Variants in ATG7 observed in about 807,000 individuals in gnomAD.
The protein encoded by ATG7 is ubiquitin-like modifier-activating enzyme ATG7.
ATG7 carries 70 observed loss-of-function variants against 82.4 expected under a neutral mutation model. The ratio of observed to expected loss-of-function variants is 0.85; its 90% confidence interval spans 0.70 to 1.04. The LOEUF (loss-of-function observed/expected upper bound fraction) is 1.04. Ranked by LOEUF, ATG7 falls within the 50% of genes least tolerant of loss-of-function variation. The pLI, the probability that ATG7 is intolerant of heterozygous loss-of-function variation, is 0.00. For missense variants in ATG7, 792 were observed against 864.3 expected, an observed-to-expected ratio of 0.92 and a Z score of 1.05; for synonymous variants, 287 against 313.0, an observed-to-expected ratio of 0.92 and a Z score of 0.88.
At chr3:11,309,651 A>G (rs906831272) in intron 7 of ATG7, among the ~76,000 whole-genome samples, 1 of 152,114 alleles carries the variant, frequency 6.6e-6, no homozygotes, top group Non-Finnish European at 1.5e-5. Context: ...TCGATTATAG[A>G]GATACCAGCT....
intron 9 of ATG7, among the ~76,000 whole-genome samples, chr3:11,319,836 C>G (rs1425371472): frequency 6.6e-6 from 1 of 152,200 alleles, no homozygotes; most frequent in Non-Finnish European, 1.5e-5. Flanking sequence ...TCTTCTGCCA[C>G]CACCTCAATC....
At chr3:11,575,066 C>T in the ATG7 span, among the ~76,000 whole-genome samples, 6 of 152,146 alleles carry the variant, frequency 3.9e-5, no homozygotes, top group African/African-American at 9.7e-5. Flanking sequence ...CGTGCCAACC[C>T]CCCATTCCCA....
intron 20 of ATG7, among the ~76,000 whole-genome samples, chr3:11,501,964 C>T (rs1315221328): frequency 2.6e-5 from 4 of 152,194 alleles, no homozygotes; most frequent in Non-Finnish European, 4.4e-5. Context: ...GCTGGGATTA[C>T]AGGCGTGATC....
At chr3:11,524,356 A>G (rs187556345) in intron 20 of ATG7, among the ~76,000 whole-genome samples, 4 of 152,372 alleles carry the variant, frequency 2.6e-5, no homozygotes, top group Non-Finnish European at 5.9e-5. Context: ...GTTTCCCTTC[A>G]ACTGTGAAAT....
intron 18 of ATG7, among the ~76,000 whole-genome samples, chr3:11,374,065 C>T (rs2077216569): frequency 6.6e-6 from 1 of 152,114 alleles, no homozygotes; most frequent in African/African-American, 2.4e-5. Flanking sequence ...CCTCTAAAAG[C>T]AAGAAAGATA....
the ATG7 span, among the ~76,000 whole-genome samples, chr3:11,573,316 GAAGAAAGAAAGAAAGA>G: frequency 0.098 from 2,002 of 20,528 alleles, 77 homozygotes; most frequent in Middle Eastern, 0.25. Context: ...AGGAAGGAAG[GAAGAAAGAAAGAAAGA>G]AAGAAAGAAA....
chr3:11,275,226 C>A (rs1575082489), intron 1 of ATG7, among the ~76,000 whole-genome samples: 1 of 152,054 alleles, frequency 6.6e-6, no homozygotes, highest in Non-Finnish European at 1.5e-5. Flanking sequence ...TAACAAAATT[C>A]TTTGACTAGT....
At chr3:11,425,065 T>C (rs146674311) in intron 19 of ATG7, among the ~76,000 whole-genome samples, 1 of 152,232 alleles carries the variant, frequency 6.6e-6, no homozygotes, top group East Asian at 1.9e-4. Flanking sequence ...TGAGTTCAGG[T>C]GATCCTCCCA....
At chr3:11,553,318 AAG>A (rs1302715966) in intron 20 of ATG7, among the ~76,000 whole-genome samples, 7 of 150,698 alleles carry the variant, frequency 4.6e-5, no homozygotes, top group South Asian at 2.1e-4. Context: ...TGAGGAGTGA[AAG>A]AGGGAGTATT....
At chr3:11,542,747 C>T (rs1423109744) in intron 20 of ATG7, among the ~76,000 whole-genome samples, 3 of 152,132 alleles carry the variant, frequency 2.0e-5, no homozygotes, top group Non-Finnish European at 1.5e-5. Context: ...CCCTCCCGGG[C>T]GTCAGGTCTC....
chr3:11,276,353 A>G (rs12638742), intron 1 of ATG7, among the ~76,000 whole-genome samples: 7,604 of 152,242 alleles, frequency 0.05, 604 homozygotes, highest in African/African-American at 0.16. Flanking sequence ...CTTTGCCTCA[A>G]GGACTGGGTT....
intron 18 of ATG7, among the ~76,000 whole-genome samples, chr3:11,374,270 A>G (rs1480681210): frequency 6.6e-6 from 1 of 152,232 alleles, no homozygotes; most frequent in Non-Finnish European, 1.5e-5. Flanking sequence ...ATATAGATCA[A>G]TGGAAAGAAT....
intron 20 of ATG7, among the ~76,000 whole-genome samples, chr3:11,443,704 C>T (rs900340040): frequency 6.6e-5 from 10 of 152,028 alleles, no homozygotes; most frequent in South Asian, 6.2e-4. Flanking sequence ...TGCACCTGGC[C>T]GAGGAGGTTT....
intron 1 of ATG7, among the ~76,000 whole-genome samples, chr3:11,273,386 G>T (rs1940954293): frequency 6.6e-6 from 1 of 152,180 alleles, no homozygotes; most frequent in Non-Finnish European, 1.5e-5. Context: ...CTCTTAGGTT[G>T]AGCTGAAAGC....
At chr3:11,499,827 C>T (rs527274849) in intron 20 of ATG7, among the ~76,000 whole-genome samples, 4 of 152,134 alleles carry the variant, frequency 2.6e-5, no homozygotes, top group African/African-American at 4.8e-5. Flanking sequence ...CACCTCCACA[C>T]GCAGTTTGGG....
chr3:11,493,207 A>G (rs2090539795), intron 20 of ATG7, among the ~76,000 whole-genome samples: 1 of 151,938 alleles, frequency 6.6e-6, no homozygotes, highest in Non-Finnish European at 1.5e-5. Context: ...AGGCCAGGTC[A>G]CTCTCCCCTG....
At chr3:11,471,201 G>T (rs1053011001) in intron 20 of ATG7, among the ~76,000 whole-genome samples, 1 of 152,124 alleles carries the variant, frequency 6.6e-6, no homozygotes, top group Non-Finnish European at 1.5e-5. Context: ...TTCAGAATGA[G>T]ATCAGCTCTT....
intron 20 of ATG7, among the ~76,000 whole-genome samples, chr3:11,539,485 T>A (rs1229066540): frequency 6.7e-6 from 1 of 150,288 alleles, no homozygotes; most frequent in Non-Finnish European, 1.5e-5. Context: ...GGAAGGATTC[T>A]GTTCTCCTTA....
intron 9 of ATG7, 45 bp from the exon 10 acceptor site, chr3:11,331,295 C>A (rs369332323): frequency 2.1e-6 from 3 of 1,431,796 alleles, no homozygotes; most frequent in African/African-American, 2.8e-5. Context: ...TATTGTGAAG[C>A]TGACATGATA....
Sources: allele counts gnomAD v4.1 joint callset (sites outside exome capture counted in the v4.1 genomes callset), GRCh38; gene constraint gnomAD v4.1.1; transcripts MANE v1.5; gene names NCBI Gene and HGNC (gene_info 2026-07-23, HGNC 2026-07-21).